Variants in CDH1 observed in about 807,000 individuals in gnomAD.
CDH1 encodes the protein cadherin-1.
A neutral mutation model predicts 84.5 loss-of-function variants in CDH1; 35 were observed. The ratio of observed to expected loss-of-function variants is 0.41; its 90% CI spans 0.32 to 0.55. The LOEUF (loss-of-function observed/expected upper bound fraction) is 0.55, where lower values mean the gene tolerates loss of function less well. CDH1 is among the 20% of genes least tolerant of loss of function. The pLI, the probability that CDH1 is intolerant of heterozygous loss-of-function variation, is 0.19. For missense variants in CDH1, 994 were observed against 1,126.6 expected, an observed-to-expected ratio of 0.88 and a Z score of 1.68; for synonymous variants, 417 against 439.0, an observed-to-expected ratio of 0.95 and a Z score of 0.63.
At chr16:68,768,351 G>A (rs1959449100) in intron 2 of CDH1, among the ~76,000 whole-genome samples, 1 of 152,224 alleles carries the variant, frequency 6.6e-6, no homozygotes, top group South Asian at 2.1e-4. Flanking sequence ...ATTTGACTCT[G>A]AGCAAAGAGG....
intron 2 of CDH1, among the ~76,000 whole-genome samples, chr16:68,758,450 C>T (rs1045350334): frequency 9.9e-5 from 15 of 151,508 alleles, no homozygotes; most frequent in East Asian, 1.9e-4. Context: ...GGCTGGGCTC[C>T]GTGGTACACA....
At chr16:68,795,594 G>A (rs112523935) in intron 2 of CDH1, among the ~76,000 whole-genome samples, 7,484 of 151,930 alleles carry the variant, frequency 0.049, 259 homozygotes, top group Non-Finnish European at 0.072. Flanking sequence ...TCCTGTGTTC[G>A]AGCAATTCTC....
rs878854683 is a variant in CDH1, at chr16:68,828,289, CGGA to C, written c.2282_2284del (p.Gly761del). ...TTTATTACTATGATGAAGAAGGAGG[CGGA>C]GAAGAGGACCAGGTGGGTTTTGAAA... On this transcript the variant is annotated inframe_deletion, in exon 14 of 16. Transcript: ENST00000261769. 3.1e-6 allele frequency: 5 copies of C among 1,613,836 alleles called. No individual in the cohort carries two copies. Among genetic ancestry groups the C allele is most frequent in the Admixed American group, 3.3e-5 (2 of 59,976 alleles).
At chr16:68,760,132 T>C (rs1245802963) in intron 2 of CDH1, among the ~76,000 whole-genome samples, 1 of 147,396 alleles carries the variant, frequency 6.8e-6, no homozygotes, top group Non-Finnish European at 1.5e-5. Flanking sequence ...GAAATCTTGC[T>C]CTTGTCCCCC....
intron 7 of CDH1, 117 bp from the exon 8 acceptor site, chr16:68,812,018 C>A: frequency 6.5e-7 from 1 of 1,528,754 alleles, no homozygotes; most frequent in Non-Finnish European, 9.0e-7. Context: ...GCCTAGAAGA[C>A]AGGCAGGCTG....
At chr16:68,810,776 G>T (rs1033129533) in intron 6 of CDH1, among the ~76,000 whole-genome samples, 2 of 151,806 alleles carry the variant, frequency 1.3e-5, no homozygotes, top group Non-Finnish European at 1.5e-5. Flanking sequence ...TGAGGCAGGA[G>T]AATTGCTTGA....
At chr16:68,828,413 T>C in intron 14 of CDH1, 109 bp downstream of exon 14, 3 of 1,139,012 alleles carry the variant, frequency 2.6e-6, no homozygotes, top group Non-Finnish European at 3.9e-6. Flanking sequence ...TTGGATATTA[T>C]CTTTTTAAGG....
chr16:68,775,908 C>T lies in CDH1; in HGVS notation c.164-25762C>T, dbSNP rs151316537. Among the ~76,000 whole-genome samples, 253 of 152,308 alleles carry T rather than the reference C, an allele frequency of 1.7e-3. 1 individual carries two copies. The highest frequency in any genetic ancestry group is 5.9e-3 in the African/African-American group (244 of 41,578). The stretch of plus-strand genomic sequence containing the variant: ...TCCCCTGTCTTCCACAGGTCTCCCC[C>T]ATCCACCCAAAAGGAGGAAAGTTAG... On this transcript the variant is annotated intron_variant, in intron 2 of 15. Coordinates refer to ENST00000261769, the MANE Select transcript of CDH1 (RefSeq NM_004360.5).
intron 5 of CDH1, 29 bp from the exon 6 acceptor site, chr16:68,810,168 C>T (rs2152130942): frequency 6.2e-7 from 1 of 1,613,778 alleles, no homozygotes; most frequent in Non-Finnish European, 8.5e-7. Flanking sequence ...CTCATCAGAG[C>T]TCAAGTCACC....
chr16:68,753,416 G>A (rs896786698), intron 2 of CDH1, among the ~76,000 whole-genome samples: 3 of 148,412 alleles, frequency 2.0e-5, no homozygotes, highest in African/African-American at 7.8e-5. Context: ...GTGCAATCTT[G>A]GCTCACTGCA....
At chr16:68,763,917 T>A (rs1959295800) in intron 2 of CDH1, among the ~76,000 whole-genome samples, 1 of 152,170 alleles carries the variant, frequency 6.6e-6, no homozygotes, top group African/African-American at 2.4e-5. Context: ...TGGTGGTCCC[T>A]GGATCCCACT....
chr16:68,746,296 G>T (rs900018109), intron 2 of CDH1, among the ~76,000 whole-genome samples: 5 of 152,050 alleles, frequency 3.3e-5, no homozygotes, highest in Admixed American at 2.6e-4. Context: ...GTGGTGGCAT[G>T]CTCCTGTAAT....
rs1960673451 is a variant in CDH1, at chr16:68,806,754, G to C, written c.388-1670G>C. 1.3e-5 allele frequency among the ~76,000 whole-genome samples: 2 copies of C among 152,222 alleles called. 1 individual carries two copies. Among genetic ancestry groups the C allele is most frequent in the Admixed American group, 1.3e-4 (2 of 15,282 alleles). ...CTGGGGCAAGGAGGTACTGTCATGA[G>C]GATTCAAAGCCAGGCAGTCTAGCTC... On this transcript the variant is annotated intron_variant, in intron 3 of 15. Transcript: ENST00000261769.
intron 2 of CDH1, among the ~76,000 whole-genome samples, chr16:68,753,499 C>T (rs79682400): frequency 1.2e-4 from 18 of 151,828 alleles, no homozygotes; most frequent in Admixed American, 3.9e-4. Flanking sequence ...CCACCATGCC[C>T]GGCTAATTTT....
Position 68,823,441 on chromosome 16 carries a change from T to C in CDH1, c.1979T>C (p.Val660Ala), listed in dbSNP as rs1555517090. The C allele has an allele frequency of 6.2e-7, 1 of 1,613,922 alleles. No individual in the cohort carries two copies. Among genetic ancestry groups the C allele is most frequent in the Non-Finnish European group, 8.5e-7 (1 of 1,179,948 alleles). ...TTGAAGCCAAAGATGGCCTTAGAGG[T>C]GGGTGACTACAAAATCAATCTCAAG... ...IILKPKMALE[V>A]GDYKINLKLM... Residue 660 changes from valine to alanine, a missense_variant, in exon 13 of 16, where the codon GTG becomes GCG. Val to Ala is a moderately conservative substitution (Grantham distance 64, BLOSUM62 0). Around this residue, in one of 3 missense-constraint regions of CDH1, gnomAD observed 769 missense variants for 881.8 expected, o/e 0.87. Transcript: ENST00000261769.
intron 2 of CDH1, among the ~76,000 whole-genome samples, chr16:68,792,868 G>C (rs1469873864): frequency 6.6e-6 from 1 of 152,186 alleles, no homozygotes. Context: ...GAAGCCAAGG[G>C]GACTTTGCTC....
chr16:68,825,803 C>A (rs949959565), intron 13 of CDH1, among the ~76,000 whole-genome samples: 7 of 94,518 alleles, frequency 7.4e-5, no homozygotes, highest in South Asian at 3.6e-4. Context: ...TAAAGGGAAT[C>A]TTTTTTTTTT....
chr16:68,770,156 G>A (rs1056188034), intron 2 of CDH1, among the ~76,000 whole-genome samples: 8 of 151,988 alleles, frequency 5.3e-5, no homozygotes, highest in African/African-American at 1.7e-4. Context: ...AAGTTGGAAG[G>A]GCTTTTGGGG....
At chr16:68,740,265 C>T (rs2902185) in intron 2 of CDH1, among the ~76,000 whole-genome samples, 122,560 of 152,118 alleles carry the variant, frequency 0.81, 50,131 homozygotes, top group Non-Finnish European at 0.89. Flanking sequence ...TTAGCAATCA[C>T]GCTGTTGTCT....
Sources: gnomAD v4.1 joint callset for allele counts (sites outside exome capture counted in the v4.1 genomes callset) on GRCh38, gnomAD v4.1.1 for gene constraint, gnomAD v4.1.1 regional missense constraint, MANE v1.5 for transcripts, NCBI Gene and HGNC (gene_info 2026-07-23, HGNC 2026-07-21) for gene names.